CACNA2D1: variants seen among roughly 807,000 people sequenced by gnomAD.
CACNA2D1 encodes voltage-dependent calcium channel subunit alpha-2/delta-1.
In CACNA2D1, 53 loss-of-function variants were observed where a neutral mutation model predicts 171.5. The observed-to-expected ratio is 0.31, with a 90% CI of 0.25 to 0.39. The LOEUF (loss-of-function observed/expected upper bound fraction) is 0.39. Ranked by LOEUF, CACNA2D1 falls within the 10% of genes least tolerant of loss-of-function variation. The pLI is 1.00. For missense variants in CACNA2D1, 903 were observed against 1,299.8 expected (o/e 0.69, Z 4.69); for synonymous variants, 442 against 443.1 (o/e 1.00, Z 0.03).
chr7:82,194,862 CA>C (rs1425033886), intron 3 of CACNA2D1, among the ~76,000 whole-genome samples: 9 of 151,596 alleles, frequency 5.9e-5, no homozygotes, highest in Non-Finnish European at 1.2e-4. Flanking sequence ...GAAAGGTAAG[CA>C]GTATTGTACT....
At chr7:82,275,159 A>T (rs1809162051) in intron 3 of CACNA2D1, among the ~76,000 whole-genome samples, 1 of 152,174 alleles carries the variant, frequency 6.6e-6, no homozygotes, top group South Asian at 2.1e-4. Context: ...ATTAAATCAC[A>T]GCATAAATTT....
chr7:81,967,016 T>C lies in CACNA2D1; in HGVS notation c.2502+153A>G. 6 of 615,438 alleles carry C rather than the reference T, an allele frequency of 9.7e-6. No homozygotes were observed. In the South Asian group the frequency reaches 1.3e-4, roughly 13 times the overall value. 38.1% of individuals were successfully genotyped at this position (615,438 alleles called of 1,614,324 possible). A position where few individuals can be genotyped will look rare whatever the true frequency, so the allele number is the denominator to read the frequency against. On this transcript the variant is annotated intron_variant, in intron 31 of 38. Transcript: ENST00000356860. ...CACTTTACATTCAAAATCAAAAGCA[T>C]ACAAATTCAAATGAATATATTATTT...
chr7:82,230,737 T>C (rs1349994974), intron 3 of CACNA2D1, among the ~76,000 whole-genome samples: 2 of 152,192 alleles, frequency 1.3e-5, no homozygotes, highest in African/African-American at 4.8e-5. Flanking sequence ...CTTCTAGAAA[T>C]ACACAGACTA....
At chr7:82,015,570 T>C (rs1266798385) in intron 12 of CACNA2D1, among the ~76,000 whole-genome samples, 1 of 152,164 alleles carries the variant, frequency 6.6e-6, no homozygotes, top group Non-Finnish European at 1.5e-5. Context: ...TACATATATA[T>C]TGATTTTTAC....
chr7:82,169,985 GA>G (rs1000357458), intron 4 of CACNA2D1, among the ~76,000 whole-genome samples: 13 of 144,772 alleles, frequency 9.0e-5, no homozygotes, highest in African/African-American at 1.5e-4. Flanking sequence ...AGTTTATTAA[GA>G]AAAAAAAAAC....
intron 20 of CACNA2D1, among the ~76,000 whole-genome samples, chr7:81,992,611 A>G (rs1797661254): frequency 6.6e-6 from 1 of 152,224 alleles, no homozygotes; most frequent in East Asian, 1.9e-4. Context: ...AGTATCAGAA[A>G]ACAGTATCAG....
intron 3 of CACNA2D1, among the ~76,000 whole-genome samples, chr7:82,251,470 T>C (rs1202109756): frequency 5.3e-5 from 8 of 152,144 alleles, no homozygotes; most frequent in Non-Finnish European, 1.2e-4. Context: ...TCATGGTACC[T>C]CAAAGGAAAT....
intron 1 of CACNA2D1, chr7:82,410,431 A>G: frequency 1.4e-6 from 1 of 728,228 alleles, no homozygotes. Context: ...TCTATCCAAC[A>G]TCTTTCATTC....
At chr7:82,193,704 C>A (rs191773562) in intron 3 of CACNA2D1, among the ~76,000 whole-genome samples, 1 of 151,976 alleles carries the variant, frequency 6.6e-6, no homozygotes, top group South Asian at 2.1e-4. Context: ...TTCCCCCCAA[C>A]AAGCGAAATT....
At chr7:82,234,152 A>G (rs115293877) in intron 3 of CACNA2D1, among the ~76,000 whole-genome samples, 1,600 of 152,200 alleles carry the variant, frequency 0.011, 21 homozygotes, top group African/African-American at 0.036. Flanking sequence ...TCTGAAATTT[A>G]CATTTCTCTG....
At position 82,258,030 on chromosome 7, in the gene CACNA2D1, T is replaced by C. The variant is rs150703092; in HGVS notation, c.294+77105A>G. On this transcript the variant is annotated intron_variant, in intron 3 of 38. Coordinates refer to ENST00000356860, the MANE Select transcript of CACNA2D1 (RefSeq NM_000722.4). ...GTTGGAAGAGATGGGAGGCAAATGC[T>C]TCTGAAAGCAGGTAAAGCCATTTGC... 2.9e-4 allele frequency among the ~76,000 whole-genome samples: 44 copies of C among 152,256 alleles called. No individual in the cohort carries two copies. The East Asian group carries it at 8.3e-3, about 29-fold the overall frequency.
chr7:82,090,641 C>T (rs1300231403), intron 6 of CACNA2D1, among the ~76,000 whole-genome samples: 1 of 151,834 alleles, frequency 6.6e-6, no homozygotes, highest in East Asian at 1.9e-4. Flanking sequence ...GTCTATATTT[C>T]ATTCTACATT....
chr7:81,959,430 T>C (rs1480910684), intron 37 of CACNA2D1, 73 bp from the exon 38 acceptor site: 7 of 1,042,088 alleles, frequency 6.7e-6, no homozygotes, highest in Non-Finnish European at 1.1e-5. Context: ...ATGCAATGTA[T>C]TTCCCAAAAC....
chr7:81,990,597 T>C (rs1360018207), intron 21 of CACNA2D1, among the ~76,000 whole-genome samples: 1 of 151,672 alleles, frequency 6.6e-6, no homozygotes, highest in Non-Finnish European at 1.5e-5. Context: ...TCACCCTCAG[T>C]ATTCTAAAGA....
intron 1 of CACNA2D1, among the ~76,000 whole-genome samples, chr7:82,404,920 A>T (rs1826853070): frequency 6.6e-6 from 1 of 152,222 alleles, no homozygotes; most frequent in African/African-American, 2.4e-5. Flanking sequence ...TACTTGGGAC[A>T]GTGCGTAGAG....
intron 3 of CACNA2D1, among the ~76,000 whole-genome samples, chr7:82,174,996 C>T (rs1796415165): frequency 6.6e-6 from 1 of 151,876 alleles, no homozygotes; most frequent in African/African-American, 2.4e-5. Flanking sequence ...TCTATAAAAG[C>T]AGTATTATAC....
intron 3 of CACNA2D1, among the ~76,000 whole-genome samples, chr7:82,319,862 T>TA (rs1815598062): frequency 6.6e-6 from 1 of 152,196 alleles, no homozygotes; most frequent in Non-Finnish European, 1.5e-5. Context: ...CTTTTGTAAC[T>TA]AATGTCTCAG....
At chr7:82,401,707 A>C (rs1826445565) in intron 1 of CACNA2D1, among the ~76,000 whole-genome samples, 1 of 144,922 alleles carries the variant, frequency 6.9e-6, no homozygotes, top group African/African-American at 2.4e-5. Flanking sequence ...GAAGTATAAT[A>C]ATAAAAGAAA....
intron 4 of CACNA2D1, among the ~76,000 whole-genome samples, chr7:82,165,912 A>C (rs191223703): frequency 6.5e-4 from 99 of 152,168 alleles, no homozygotes; most frequent in Non-Finnish European, 1.3e-3. Flanking sequence ...TTATTTATTC[A>C]TTAAGACAAT....
Sources: allele counts gnomAD v4.1 joint callset (sites outside exome capture counted in the v4.1 genomes callset), GRCh38; gene constraint gnomAD v4.1.1; transcripts MANE v1.5; gene names NCBI Gene and HGNC (gene_info 2026-07-23, HGNC 2026-07-21).